Variants in APBB2 observed in about 807,000 individuals in gnomAD.
The protein encoded by APBB2 is amyloid beta precursor protein binding family B member 2, also known as Fe65-like 1.
A neutral mutation model predicts 82.5 loss-of-function variants in APBB2; 38 were observed. The observed-to-expected ratio is 0.46, with a 90% CI of 0.36 to 0.60. The LOEUF (loss-of-function observed/expected upper bound fraction) is 0.60. Among genes scored for constraint, APBB2 ranks in the 20% least tolerant of loss-of-function variants. APBB2 has a pLI of 0.00. For missense variants in APBB2, 772 were observed against 972.3 expected (o/e 0.79, Z 2.74); for synonymous variants, 341 against 368.2 (o/e 0.93, Z 0.85).
intron 1 of APBB2, among the ~76,000 whole-genome samples, chr4:41,210,030 C>A (rs1580860047): frequency 6.6e-6 from 1 of 152,164 alleles, no homozygotes; most frequent in African/African-American, 2.4e-5. Flanking sequence ...CAACCAAGAT[C>A]CCACACATGT....
intron 1 of APBB2, among the ~76,000 whole-genome samples, chr4:41,176,414 A>G (rs913815637): frequency 2.6e-5 from 4 of 152,268 alleles, no homozygotes; most frequent in Admixed American, 1.3e-4. Context: ...CAGAGCCCTC[A>G]GAGGACAAGC....
chr4:40,933,991 T>G (rs1479915355), intron 10 of APBB2, among the ~76,000 whole-genome samples: 1 of 152,168 alleles, frequency 6.6e-6, no homozygotes, highest in African/African-American at 2.4e-5. Context: ...TGCCCCCAGT[T>G]TTCCATCATA....
At chr4:40,884,689 G>A (rs1361884180) in intron 12 of APBB2, among the ~76,000 whole-genome samples, 2 of 151,410 alleles carry the variant, frequency 1.3e-5, no homozygotes, top group East Asian at 1.9e-4. Context: ...CTTGAGCCCA[G>A]GAATTTGGAG....
chr4:40,893,305 C>T lies in APBB2; in HGVS notation c.1361G>A (p.Cys454Tyr). 2 of 1,613,862 alleles carry T rather than the reference C, an allele frequency of 1.2e-6. No homozygotes were observed. The highest frequency in any genetic ancestry group is 1.7e-6 in the Non-Finnish European group (2 of 1,179,916). Residue 454 changes from cysteine to tyrosine, a missense_variant, in exon 11 of 18, where the codon TGC becomes TAC. By Grantham distance (194) the Cys-to-Tyr change is radical. Transcript: ENST00000508593. ...GACTGTGTCTCGGATGTCATTTTTG[C>T]AGTAGGAAAGTTGCCTGATGCAGTT... ...VNNCIRQLSY[C>Y]KNDIRDTVGI...
intron 10 of APBB2, among the ~76,000 whole-genome samples, chr4:40,922,312 A>C (rs928135761): frequency 7.9e-5 from 12 of 152,238 alleles, no homozygotes; most frequent in Admixed American, 6.5e-4. Context: ...TGACTGATCT[A>C]CTACCCTGCT....
intron 10 of APBB2, among the ~76,000 whole-genome samples, chr4:40,902,254 A>C (rs1299940448): frequency 6.6e-6 from 1 of 152,256 alleles, no homozygotes; most frequent in Non-Finnish European, 1.5e-5. Flanking sequence ...CAGAGTGCTC[A>C]CCGTCAAGAC....
intron 12 of APBB2, among the ~76,000 whole-genome samples, chr4:40,865,591 A>G (rs560890681): frequency 6.6e-6 from 1 of 152,346 alleles, no homozygotes; most frequent in East Asian, 1.9e-4. Context: ...TTCACTTAGC[A>G]TAATTGTTGA....
chr4:41,147,265 C>T (rs964242493), intron 1 of APBB2, among the ~76,000 whole-genome samples: 1 of 152,128 alleles, frequency 6.6e-6, no homozygotes, highest in Non-Finnish European at 1.5e-5. Flanking sequence ...ACCCAAGAAT[C>T]ACAAAGTAGA....
chr4:41,005,761 CTTCTT>C (rs1369587870), intron 6 of APBB2, among the ~76,000 whole-genome samples: 1 of 152,216 alleles, frequency 6.6e-6, no homozygotes, highest in East Asian at 1.9e-4. Flanking sequence ...CAATCATAAA[CTTCTT>C]TAGTGGTTAA....
At chr4:41,193,793 C>T in intron 1 of APBB2, 1 of 152,342 alleles carries the variant, frequency 6.6e-6, no homozygotes, top group Non-Finnish European at 1.5e-5. Flanking sequence ...TGCACTCACA[C>T]TAGCAAGTAG....
At chr4:41,151,881 A>G (rs1288754857) in intron 1 of APBB2, among the ~76,000 whole-genome samples, 1 of 152,002 alleles carries the variant, frequency 6.6e-6, no homozygotes, top group Non-Finnish European at 1.5e-5. Context: ...TTTAAGGAAC[A>G]TGGCCATTTA....
chr4:41,005,238 G>A (rs62412098), intron 6 of APBB2, among the ~76,000 whole-genome samples: 6,991 of 151,976 alleles, frequency 0.046, 342 homozygotes, highest in African/African-American at 0.13. Flanking sequence ...CTACAGGCAC[G>A]TGCCACCACG....
At chr4:41,009,402 A>G (rs1056670515) in intron 6 of APBB2, among the ~76,000 whole-genome samples, 2 of 152,088 alleles carry the variant, frequency 1.3e-5, no homozygotes, top group African/African-American at 4.8e-5. Context: ...AGGACAGACT[A>G]CAGAGGAGGA....
At chr4:41,201,323 G>A (rs1185607800) in intron 1 of APBB2, among the ~76,000 whole-genome samples, 1 of 152,136 alleles carries the variant, frequency 6.6e-6, no homozygotes, top group Non-Finnish European at 1.5e-5. Context: ...ATAAAAGGGA[G>A]GGGAGACAGG....
chr4:40,825,197 C>T (rs2341597), intron 15 of APBB2, among the ~76,000 whole-genome samples: 53,725 of 152,126 alleles, frequency 0.35, 9,979 homozygotes, highest in Admixed American at 0.45. Context: ...CACGTTTTTG[C>T]ATGCACAAAC....
In APBB2 at chr4:40,904,598, G is replaced by A. The variant is rs1261126688; in HGVS notation, c.1255-11187C>T. 1.3e-4 allele frequency among the ~76,000 whole-genome samples: 19 copies of A among 150,598 alleles called. No individual in the cohort carries two copies. The East Asian group carries it at 2.6e-3, about 21-fold the overall frequency. Reference sequence around the variant, plus strand: ...TGCCTCCATAATAGAGAAGTTTTTAGTAAACTGGCATTTGTGGTCATTACA... The same window carrying A: ...TGCCTCCATAATAGAGAAGTTTTTAATAAACTGGCATTTGTGGTCATTACA... On this transcript the variant is annotated intron_variant, in intron 10 of 17. Transcript: ENST00000508593.
rs148789047 is a variant in APBB2, at chr4:40,898,241, C to T, written c.1255-4830G>A. Among the ~76,000 whole-genome samples, 317 of 152,254 alleles carry T rather than the reference C, an allele frequency of 2.1e-3. 1 individual carries two copies. The highest frequency in any genetic ancestry group is 7.0e-3 in the African/African-American group (289 of 41,568). On this transcript the variant is annotated intron_variant, in intron 10 of 17. Transcript: ENST00000508593. ...CATGCCTGGCAGACAGTCAAAACTT[C>T]GCAAATGTTTATTATTATTTTTTGT... is the stretch of plus-strand genomic sequence containing the variant.
intron 12 of APBB2, among the ~76,000 whole-genome samples, chr4:40,843,003 C>T (rs1277965328): frequency 6.6e-6 from 1 of 152,126 alleles, no homozygotes; most frequent in Non-Finnish European, 1.5e-5. Flanking sequence ...CAGTGCAAGT[C>T]TGGTTGGGGC....
chr4:41,186,270 A>T (rs1476695355), intron 1 of APBB2, among the ~76,000 whole-genome samples: 3 of 152,242 alleles, frequency 2.0e-5, no homozygotes, highest in East Asian at 3.8e-4. Context: ...TAAAGAGCAG[A>T]AATTGAACTA....
Sources: gnomAD v4.1 joint callset for allele counts (sites outside exome capture counted in the v4.1 genomes callset) on GRCh38, gnomAD v4.1.1 for gene constraint, MANE v1.5 for transcripts, NCBI Gene and HGNC (gene_info 2026-07-23, HGNC 2026-07-21) for gene names.